MGAT4C: variants seen among roughly 807,000 people sequenced by gnomAD.
MGAT4C encodes the protein MGAT4 family member C, also known as alpha-1,3-mannosyl-glycoprotein 4-beta-N-acetylglucosaminyltransferase C.
MGAT4C carries 19 observed loss-of-function variants against 40.1 expected under a neutral mutation model. The ratio of observed to expected loss-of-function variants is 0.47; its 90% CI spans 0.33 to 0.70. The LOEUF is 0.70. Among genes scored for constraint, MGAT4C ranks in the 30% least tolerant of loss-of-function variants. The probability of loss-of-function intolerance (pLI) is 0.02; values close to 1 mark genes in which losing one functional copy is unlikely to be tolerated. For missense variants in MGAT4C, 491 were observed against 563.2 expected, an observed-to-expected ratio of 0.87 and a Z score of 1.30; for synonymous variants, 181 against 187.1, an observed-to-expected ratio of 0.97 and a Z score of 0.27.
chr12:86,707,371 G>T (rs1388451817), intron 2 of MGAT4C, among the ~76,000 whole-genome samples: 1 of 152,170 alleles, frequency 6.6e-6, no homozygotes, highest in Non-Finnish European at 1.5e-5. Context: ...GGTGGTCTCA[G>T]ACGGAAAAGA....
At chr12:86,639,523 A>T (rs1390485130) in intron 2 of MGAT4C, among the ~76,000 whole-genome samples, 2 of 151,708 alleles carry the variant, frequency 1.3e-5, no homozygotes, top group Non-Finnish European at 3.0e-5. Flanking sequence ...ATACAAATGG[A>T]GGCAGCCAGA....
At chr12:86,472,712 T>C (rs1386013854) in intron 2 of MGAT4C, among the ~76,000 whole-genome samples, 1 of 152,200 alleles carries the variant, frequency 6.6e-6, no homozygotes, top group Admixed American at 6.5e-5. Context: ...CTAAGATATT[T>C]GCATTTTCAA....
chr12:86,736,958 A>G (rs1950995479), intron 1 of MGAT4C, among the ~76,000 whole-genome samples: 1 of 150,990 alleles, frequency 6.6e-6, no homozygotes, highest in South Asian at 2.1e-4. Flanking sequence ...TTGAACCATC[A>G]AATTTTCCCA....
chr12:86,417,438 G>T (rs1956741043), intron 3 of MGAT4C, among the ~76,000 whole-genome samples: 1 of 151,930 alleles, frequency 6.6e-6, no homozygotes, highest in East Asian at 1.9e-4. Context: ...ATTGATGGAA[G>T]TTTATTTGCA....
At chr12:86,809,313 G>A (rs1952425370) in intron 1 of MGAT4C, among the ~76,000 whole-genome samples, 1 of 151,994 alleles carries the variant, frequency 6.6e-6, no homozygotes, top group Admixed American at 6.6e-5. Flanking sequence ...TTCACCTGTT[G>A]GATATCTGAG....
chr12:86,118,578 G>A (rs1465235768), intron 1 of MGAT4C, among the ~76,000 whole-genome samples: 1 of 151,984 alleles, frequency 6.6e-6, no homozygotes, highest in Non-Finnish European at 1.5e-5. Flanking sequence ...CAATACCAGG[G>A]GTTTCTTCTC....
chr12:86,328,799 G>A (rs1176120779), intron 4 of MGAT4C, among the ~76,000 whole-genome samples: 2 of 151,974 alleles, frequency 1.3e-5, no homozygotes, highest in African/African-American at 4.8e-5. Flanking sequence ...CAACTCATAA[G>A]CTGACTTTAA....
intron 2 of MGAT4C, among the ~76,000 whole-genome samples, chr12:86,497,656 G>A (rs866060350): frequency 4.6e-5 from 7 of 151,444 alleles, no homozygotes; most frequent in African/African-American, 1.2e-4. Flanking sequence ...ACTTTATGGC[G>A]TTTCCAGGAT....
chr12:86,656,763 G>A (rs948294496), intron 2 of MGAT4C, among the ~76,000 whole-genome samples: 14 of 151,948 alleles, frequency 9.2e-5, no homozygotes, highest in African/African-American at 1.2e-4. Flanking sequence ...AGATAAATAT[G>A]CTCTCAGCCA....
At chr12:86,493,150 G>A (rs1010042828) in intron 2 of MGAT4C, among the ~76,000 whole-genome samples, 3 of 150,694 alleles carry the variant, frequency 2.0e-5, no homozygotes, top group Admixed American at 2.0e-4. Flanking sequence ...GGAAACAACA[G>A]GTGCTGTAGA....
At chr12:86,078,050 G>A (rs1164683053) in intron 1 of MGAT4C, among the ~76,000 whole-genome samples, 1 of 152,158 alleles carries the variant, frequency 6.6e-6, no homozygotes, top group African/African-American at 2.4e-5. Context: ...GCGGGAACAG[G>A]AAGCAAAAAT....
At chr12:86,364,330 T>C (rs1461322293) in intron 3 of MGAT4C, among the ~76,000 whole-genome samples, 1 of 152,096 alleles carries the variant, frequency 6.6e-6, no homozygotes, top group Non-Finnish European at 1.5e-5. Context: ...TATAACATGT[T>C]GTTGCAATTG....
rs373072990 is a variant in MGAT4C at position 86,618,345 on chromosome 12, G to A, written c.-229+108864C>T. On this transcript the variant is annotated intron_variant, in intron 2 of 7. Coordinates refer to the MGAT4C transcript ENST00000548651. The stretch of plus-strand genomic sequence containing the variant: ...TACTGGGTATTTTATCCAAAGGAAA[G>A]TAAATCAGTATATCAGAAGGATACT... Among the ~76,000 whole-genome samples, 246 of 152,250 alleles carry A rather than the reference G, an allele frequency of 1.6e-3. 8 individuals carry two copies. The South Asian group carries it at 0.049, about 31-fold the overall frequency.
At chr12:86,560,009 T>C (rs1959791174) in intron 2 of MGAT4C, among the ~76,000 whole-genome samples, 1 of 151,892 alleles carries the variant, frequency 6.6e-6, no homozygotes, top group Non-Finnish European at 1.5e-5. Context: ...ATAGAAACTG[T>C]TATGAACAGC....
chr12:86,122,878 A>T (rs1391005315), intron 1 of MGAT4C, among the ~76,000 whole-genome samples: 1 of 152,174 alleles, frequency 6.6e-6, no homozygotes, highest in African/African-American at 2.4e-5. Context: ...ACACAGATAA[A>T]TTTTTATTTT....
intron 2 of MGAT4C, among the ~76,000 whole-genome samples, chr12:86,488,925 G>A (rs750096496): frequency 5.9e-5 from 9 of 152,112 alleles, no homozygotes; most frequent in Non-Finnish European, 1.2e-4. Context: ...AGACAGAGGT[G>A]GGTCCCTGGC....
chr12:86,651,322 G>A (rs531890517), intron 2 of MGAT4C, among the ~76,000 whole-genome samples: 23 of 151,812 alleles, frequency 1.5e-4, no homozygotes, highest in African/African-American at 5.5e-4. Context: ...TCATTGATAT[G>A]CCTGGCATGA....
At chr12:86,581,289 T>C (rs532245546) in intron 2 of MGAT4C, among the ~76,000 whole-genome samples, 33 of 151,452 alleles carry the variant, frequency 2.2e-4, no homozygotes, top group Non-Finnish European at 4.1e-4. Context: ...GTGTCTTCCT[T>C]GTGCCTAGAT....
chr12:86,483,437 A>C (rs887045067), intron 2 of MGAT4C, among the ~76,000 whole-genome samples: 1 of 152,114 alleles, frequency 6.6e-6, no homozygotes, highest in African/African-American at 2.4e-5. Context: ...TTATAAACAT[A>C]TAATTAGATG....
Sources: allele counts gnomAD v4.1 joint callset (sites outside exome capture counted in the v4.1 genomes callset), GRCh38; gene constraint gnomAD v4.1.1; transcripts MANE v1.5; gene names NCBI Gene and HGNC (gene_info 2026-07-23, HGNC 2026-07-21).